Variants in PTK2 observed in about 807,000 individuals in gnomAD.
The protein encoded by PTK2 is focal adhesion kinase 1.
PTK2 carries 45 observed loss-of-function variants against 150.1 expected under a neutral mutation model. The observed-to-expected ratio is 0.30, with a 90% CI of 0.24 to 0.38. PTK2 has a LOEUF of 0.38. Among genes scored for constraint, PTK2 ranks in the 10% least tolerant of loss-of-function variants. PTK2 has a pLI of 1.00. For synonymous variants in PTK2, 432 were observed against 449.2 expected (o/e 0.96, Z 0.48); for missense variants, 919 against 1,307.3 (o/e 0.70, Z 4.58).
intron 30 of PTK2, among the ~76,000 whole-genome samples, chr8:140,665,584 A>T (rs2090337777): frequency 6.6e-6 from 1 of 152,230 alleles, no homozygotes; most frequent in Non-Finnish European, 1.5e-5. Flanking sequence ...TCTAACTATG[A>T]TTTAAAACAA....
At chr8:140,907,392 T>G (rs548956156) in intron 2 of PTK2, among the ~76,000 whole-genome samples, 1 of 152,296 alleles carries the variant, frequency 6.6e-6, no homozygotes, top group South Asian at 2.1e-4. Context: ...CAAGTTTCCG[T>G]TGAACATCAT....
chr8:140,791,974 T>C (rs1211913044), intron 13 of PTK2, among the ~76,000 whole-genome samples: 1 of 152,174 alleles, frequency 6.6e-6, no homozygotes, highest in Non-Finnish European at 1.5e-5. Context: ...GAGTAGGTCA[T>C]GTAAGATATT....
chr8:140,773,696 T>C (rs959703263), intron 14 of PTK2, among the ~76,000 whole-genome samples: 1 of 152,166 alleles, frequency 6.6e-6, no homozygotes, highest in African/African-American at 2.4e-5. Flanking sequence ...TCCCAGAGTG[T>C]CTAAGACCTC....
At chr8:140,767,484 T>C (rs1257584034) in intron 14 of PTK2, among the ~76,000 whole-genome samples, 2 of 152,180 alleles carry the variant, frequency 1.3e-5, no homozygotes, top group Admixed American at 6.5e-5. Flanking sequence ...TGTATATTTC[T>C]AAGAATTCCT....
At chr8:140,803,005 C>CTTTTTTTTTTTTT (rs778981723) in intron 11 of PTK2, among the ~76,000 whole-genome samples, 1 of 77,348 alleles carries the variant, frequency 1.3e-5, no homozygotes, top group African/African-American at 4.9e-5. Flanking sequence ...TGATGACAAT[C>CTTTTTTTTTTTTT]TTTTTTTTTT....
At chr8:140,665,138 T>G in intron 30 of PTK2, 141 bp from the exon 35 acceptor site, 1 of 719,660 alleles carries the variant, frequency 1.4e-6, no homozygotes, top group East Asian at 2.7e-5. Flanking sequence ...AGCCCTATCT[T>G]GTAAGTTATG....
At chr8:140,806,355 G>A (rs932928485) in intron 10 of PTK2, among the ~76,000 whole-genome samples, 11 of 152,182 alleles carry the variant, frequency 7.2e-5, no homozygotes, top group African/African-American at 2.7e-4. Context: ...GTGACAAAAT[G>A]CACCTGTATC....
chr8:140,771,730 T>G (rs145297102), intron 14 of PTK2, among the ~76,000 whole-genome samples: 19 of 152,064 alleles, frequency 1.2e-4, no homozygotes, highest in African/African-American at 4.3e-4. Flanking sequence ...AGAACAGAAA[T>G]GTACACTTCA....
chr8:140,895,608 G>C (rs1204637953), intron 2 of PTK2, among the ~76,000 whole-genome samples: 1 of 152,142 alleles, frequency 6.6e-6, no homozygotes, highest in Non-Finnish European at 1.5e-5. Context: ...TCTGTGAAGG[G>C]GGGATGGTTA....
intron 20 of PTK2, among the ~76,000 whole-genome samples, chr8:140,742,003 G>T (rs1220995712): frequency 1.3e-5 from 2 of 152,226 alleles, no homozygotes; most frequent in African/African-American, 4.8e-5. Flanking sequence ...AGGCATGGTG[G>T]CGCACGCCCG....
intron 1 of PTK2, among the ~76,000 whole-genome samples, chr8:140,997,625 G>C (rs1420544994): frequency 1.3e-5 from 2 of 152,222 alleles, no homozygotes; most frequent in Admixed American, 1.3e-4. Flanking sequence ...AGGCTCAGAT[G>C]ATCAACAGTA....
intron 22 of PTK2, among the ~76,000 whole-genome samples, chr8:140,719,578 T>A (rs2100041643): frequency 6.6e-6 from 1 of 152,216 alleles, no homozygotes; most frequent in Admixed American, 6.5e-5. Context: ...GAGCATCTGC[T>A]ATAAGCGTTA....
intron 4 of PTK2, among the ~76,000 whole-genome samples, chr8:140,866,956 AAGGGAGTT>A (rs1012959270): frequency 6.6e-6 from 1 of 152,182 alleles, no homozygotes; most frequent in African/African-American, 2.4e-5. Flanking sequence ...GGAGATGAGG[AAGGGAGTT>A]ATACAGTTAT....
At chr8:140,876,333 C>G (rs1379119666) in intron 4 of PTK2, among the ~76,000 whole-genome samples, 2 of 152,206 alleles carry the variant, frequency 1.3e-5, no homozygotes, top group African/African-American at 4.8e-5. Context: ...GGCAATTTAA[C>G]TGGGCAAACA....
chr8:140,735,237 C>T lies in PTK2; in HGVS notation c.2030+14G>A. 2 of 1,611,984 alleles carry T rather than the reference C, an allele frequency of 1.2e-6. No homozygotes were observed. Among genetic ancestry groups the T allele is most frequent in the Admixed American group, 3.3e-5 (2 of 59,892 alleles). ...TGCCCCCACCCCCAGGCCCTCTCTC[C>T]CGCCAACTCCTACCTGAGCTGAGCT... is the stretch of plus-strand genomic sequence containing the variant. On this transcript the variant is annotated intron_variant, in intron 22 of 31. Transcript: ENST00000522684.
intron 12 of PTK2, 93 bp from the exon 13 acceptor site, chr8:140,793,477 C>A (rs1407540437): frequency 1.5e-6 from 2 of 1,363,630 alleles, no homozygotes; most frequent in African/African-American, 1.5e-5. Flanking sequence ...GAGGCCTATA[C>A]TGGTATTCCA....
intron 14 of PTK2, among the ~76,000 whole-genome samples, chr8:140,782,719 G>C (rs1474612556): frequency 6.6e-6 from 1 of 151,448 alleles, no homozygotes; most frequent in African/African-American, 2.4e-5. Context: ...AACAGATAGA[G>C]ACTACCTTGG....
At chr8:140,826,750 A>G (rs1401353125) in intron 8 of PTK2, among the ~76,000 whole-genome samples, 1 of 152,134 alleles carries the variant, frequency 6.6e-6, no homozygotes, top group East Asian at 1.9e-4. Flanking sequence ...CCGTGTCTCT[A>G]CAGAAAAAAA....
chr8:140,968,263 G>C (rs1432488202), intron 1 of PTK2, among the ~76,000 whole-genome samples: 1 of 152,020 alleles, frequency 6.6e-6, no homozygotes, highest in African/African-American at 2.4e-5. Context: ...AATATAAACT[G>C]TTTTCCAGTT....
Sources: gnomAD v4.1 joint callset for allele counts (sites outside exome capture counted in the v4.1 genomes callset) on GRCh38, gnomAD v4.1.1 for gene constraint, MANE v1.5 for transcripts, NCBI Gene and HGNC (gene_info 2026-07-23, HGNC 2026-07-21) for gene names.